The following KHDRBS3 variants were observed in gnomAD, a reference collection of about 807,000 sequenced individuals.
KHDRBS3 encodes the protein KH RNA binding domain containing, signal transduction associated 3.
A neutral mutation model predicts 45.6 loss-of-function variants in KHDRBS3; 23 were observed. The observed-to-expected ratio is 0.50, with a 90% CI of 0.36 to 0.72. KHDRBS3 has a LOEUF of 0.72. KHDRBS3 is among the 30% of genes least tolerant of loss of function. The pLI, the probability that KHDRBS3 is intolerant of heterozygous loss-of-function variation, is 0.00. For synonymous variants in KHDRBS3, 162 were observed against 156.5 expected, an observed-to-expected ratio of 1.04 and a Z score of -0.26; for missense variants, 352 against 424.8, an observed-to-expected ratio of 0.83 and a Z score of 1.51.
chr8:135,565,422 A>G (rs1217882692), intron 5 of KHDRBS3, among the ~76,000 whole-genome samples: 1 of 152,196 alleles, frequency 6.6e-6, no homozygotes, highest in Non-Finnish European at 1.5e-5. Flanking sequence ...TAGAGTAAAT[A>G]TTGTGCTTTG....
intron 1 of KHDRBS3, among the ~76,000 whole-genome samples, chr8:135,480,826 T>C (rs532097479): frequency 6.6e-6 from 1 of 152,338 alleles, no homozygotes; most frequent in South Asian, 2.1e-4. Context: ...TTTTCATAGC[T>C]GTGTAGTACT....
intron 1 of KHDRBS3, among the ~76,000 whole-genome samples, chr8:135,505,000 C>G (rs1298068363): frequency 6.6e-6 from 1 of 152,118 alleles, no homozygotes; most frequent in Non-Finnish European, 1.5e-5. Context: ...AAAGAAGTAG[C>G]AAGAAAGCAC....
At chr8:135,594,442 G>T (rs1828883969) in intron 6 of KHDRBS3, among the ~76,000 whole-genome samples, 1 of 152,128 alleles carries the variant, frequency 6.6e-6, no homozygotes, top group African/African-American at 2.4e-5. Flanking sequence ...TACTCAAATT[G>T]CTCAACTGTT....
intron 7 of KHDRBS3, chr8:135,625,626 T>C (rs1002101880): frequency 2.2e-6 from 2 of 892,512 alleles, no homozygotes; most frequent in African/African-American, 1.7e-5. Context: ...TTTTCCATCA[T>C]AATTTGCATC....
intron 7 of KHDRBS3, among the ~76,000 whole-genome samples, chr8:135,618,838 G>A (rs1350146367): frequency 6.6e-6 from 1 of 152,182 alleles, no homozygotes; most frequent in Non-Finnish European, 1.5e-5. Context: ...TACTTGAACA[G>A]TTTAGTGTGG....
Position 135,457,976 on chromosome 8 carries a change from G to A in KHDRBS3, c.88+22G>A. On this transcript the variant is annotated intron_variant, in intron 1 of 8. Transcript: ENST00000355849. This position sits in a 1 kb window ranked among gnomAD's most constrained non-coding sequence, Gnocchi z 4.4. Reference sequence around the variant, plus strand: ...CAAGGTGAGGCGCCGGCCGTTAACTGCCGGCCGGCGGCGGTTGGGGGCCGG... The same window carrying A: ...CAAGGTGAGGCGCCGGCCGTTAACTACCGGCCGGCGGCGGTTGGGGGCCGG... The A allele has an allele frequency of 6.4e-7, 1 of 1,568,426 alleles. No homozygotes were observed.
At chr8:135,540,862 A>T (rs1826014179) in intron 2 of KHDRBS3, 1 of 152,228 alleles carries the variant, frequency 6.6e-6, no homozygotes, top group Admixed American at 6.5e-5. Context: ...ATTTTTAAGA[A>T]CAGATAGTAG....
At chr8:135,483,720 C>T (rs191634572) in intron 1 of KHDRBS3, among the ~76,000 whole-genome samples, 33 of 152,230 alleles carry the variant, frequency 2.2e-4, no homozygotes, top group Admixed American at 2.0e-3. Context: ...GTCCATCTGC[C>T]GTCTCTTGCA....
chr8:135,469,437 G>T (rs1348449186), intron 1 of KHDRBS3, among the ~76,000 whole-genome samples: 1 of 149,720 alleles, frequency 6.7e-6, no homozygotes, highest in Non-Finnish European at 1.5e-5. Context: ...ACAGGCGCCC[G>T]CCACCACGCC....
downstream of KHDRBS3, among the ~76,000 whole-genome samples, chr8:135,651,249 G>A (rs940727614): frequency 5.3e-5 from 8 of 151,620 alleles, no homozygotes; most frequent in African/African-American, 1.9e-4. Context: ...CTAAACAAGA[G>A]TCTAAACTGC....
intron 6 of KHDRBS3, among the ~76,000 whole-genome samples, chr8:135,601,392 C>T (rs539172480): frequency 1.2e-4 from 18 of 152,234 alleles, no homozygotes; most frequent in East Asian, 1.2e-3. Flanking sequence ...GTGTCATGGA[C>T]GGTTTTCATG....
chr8:135,467,413 TGG>T (rs1368192472), intron 1 of KHDRBS3, among the ~76,000 whole-genome samples: 2 of 152,254 alleles, frequency 1.3e-5, no homozygotes, highest in African/African-American at 4.8e-5. Flanking sequence ...CACATGCTGA[TGG>T]CACCAGTTGT....
At chr8:135,608,885 A>G (rs1829585765) in intron 7 of KHDRBS3, among the ~76,000 whole-genome samples, 3 of 152,190 alleles carry the variant, frequency 2.0e-5, no homozygotes, top group Admixed American at 1.3e-4. Context: ...GTATCTAAAC[A>G]TGTATAAACA....
chr8:135,549,833 A>G (rs1305298421), intron 4 of KHDRBS3: 1 of 152,206 alleles, frequency 6.6e-6, no homozygotes, highest in East Asian at 1.9e-4. Context: ...TTATAGGGAA[A>G]GGATATTTAA....
At chr8:135,506,941 C>T (rs879830414) in intron 1 of KHDRBS3, among the ~76,000 whole-genome samples, 37 of 151,938 alleles carry the variant, frequency 2.4e-4, no homozygotes, top group Admixed American at 2.4e-3. Context: ...TAAACATTTT[C>T]GTTTATTTCA....
At chr8:135,553,467 G>T (rs1826717974) in intron 4 of KHDRBS3, among the ~76,000 whole-genome samples, 1 of 152,026 alleles carries the variant, frequency 6.6e-6, no homozygotes. Flanking sequence ...AGCATATGCA[G>T]TTTTATTTCA....
At chr8:135,503,823 A>G (rs909643085) in intron 1 of KHDRBS3, among the ~76,000 whole-genome samples, 3 of 152,306 alleles carry the variant, frequency 2.0e-5, no homozygotes, top group African/African-American at 7.2e-5. Context: ...CTGAGTCAAG[A>G]GAATTTGGAG....
intron 3 of KHDRBS3, among the ~76,000 whole-genome samples, chr8:135,548,476 G>A (rs368692910): frequency 9.1e-4 from 138 of 152,178 alleles, no homozygotes; most frequent in Middle Eastern, 3.4e-3. Context: ...CCCTAGCAGC[G>A]GAAGTGAGCA....
rs541023002 is a variant in KHDRBS3 at position 135,483,903 on chromosome 8, T to A, written c.88+25949T>A. Among the ~76,000 whole-genome samples the A allele has an allele frequency of 9.9e-5, 15 of 152,202 alleles. No individual in the cohort carries two copies. The South Asian group carries it at 2.3e-3, about 23-fold the overall frequency. Reference sequence around the variant, plus strand: ...AGCATAAATGAAGAATTCCCATTGGTTTTGATGTAAGATGACTTTGAATGT... The same window carrying A: ...AGCATAAATGAAGAATTCCCATTGGATTTGATGTAAGATGACTTTGAATGT... On this transcript the variant is annotated intron_variant, in intron 1 of 8. Coordinates refer to ENST00000355849, the MANE Select transcript of KHDRBS3 (RefSeq NM_006558.3).
Sources: allele counts gnomAD v4.1 joint callset (sites outside exome capture counted in the v4.1 genomes callset), GRCh38; gene constraint gnomAD v4.1.1; non-coding constraint Gnocchi (gnomAD v3.1); transcripts MANE v1.5; gene names NCBI Gene and HGNC (gene_info 2026-07-23, HGNC 2026-07-21).